The following MGAT4A variants were observed in gnomAD, a reference collection of about 807,000 sequenced individuals.
MGAT4A encodes the protein N-acetylglucosaminyltransferase IVa.
In MGAT4A, 33 loss-of-function variants were observed where a neutral mutation model predicts 74.1. The observed-to-expected ratio is 0.45, with a 90% confidence interval of 0.34 to 0.60. The LOEUF is 0.60. Ranked by LOEUF, MGAT4A falls within the 20% of genes least tolerant of loss-of-function variation. The probability of loss-of-function intolerance (pLI) is 0.02; values close to 1 mark genes in which losing one functional copy is unlikely to be tolerated. For synonymous variants in MGAT4A, 198 were observed against 210.4 expected, an observed-to-expected ratio of 0.94 and a Z score of 0.51; for missense variants, 479 against 628.3, an observed-to-expected ratio of 0.76 and a Z score of 2.54.
chr2:98,723,872 C>T (rs1028401925), intron 2 of MGAT4A, among the ~76,000 whole-genome samples: 21 of 152,322 alleles, frequency 1.4e-4, no homozygotes, highest in African/African-American at 5.1e-4. Context: ...TTGAATGAGG[C>T]TGCCTGAATT....
At chr2:98,716,720 A>G (rs745805887) in intron 2 of MGAT4A, among the ~76,000 whole-genome samples, 6 of 152,258 alleles carry the variant, frequency 3.9e-5, no homozygotes, top group Non-Finnish European at 5.9e-5. Flanking sequence ...GATAGGTTCC[A>G]GTATCTTTGA....
At chr2:98,671,913 G>A (rs1420457021) in intron 4 of MGAT4A, among the ~76,000 whole-genome samples, 1 of 122,598 alleles carries the variant, frequency 8.2e-6, no homozygotes, top group African/African-American at 3.2e-5. Flanking sequence ...TGACGATGAA[G>A]GAAGAGGCCA....
chr2:98,623,469 T>C lies in MGAT4A; in HGVS notation c.*2097A>G, dbSNP rs1364206688. The C allele has an allele frequency of 1.0e-6, 1 of 985,442 alleles. No homozygotes were observed. Among genetic ancestry groups the C allele is most frequent in the Non-Finnish European group, 1.2e-6 (1 of 829,940 alleles). 61.0% of individuals were successfully genotyped at this position (985,442 alleles called of 1,614,324 possible). A position where few individuals can be genotyped will look rare whatever the true frequency, so the allele number is the denominator to read the frequency against. ...TTTTTACTTCTGGTACTCAGTTATC[T>C]TTGCAGTAATTTAGTATACCAAGCT... On this transcript the variant is annotated 3_prime_UTR_variant, in exon 16 of 16. Coordinates refer to ENST00000393487, the MANE Select transcript of MGAT4A (RefSeq NM_012214.3).
chr2:98,708,767 G>GT lies in MGAT4A; in HGVS notation c.94+17471dup, dbSNP rs1464588673. Among the ~76,000 whole-genome samples, 15 of 152,322 alleles carry GT rather than the reference G, an allele frequency of 9.8e-5. No homozygotes were observed. In the South Asian group the frequency reaches 2.9e-3, roughly 29 times the overall value. On this transcript the variant is annotated intron_variant, in intron 2 of 15. Transcript: ENST00000393487. ...GTTGTTTAACCATCAGGTTAAACTA[G>GT]TTTTTTGCCAGCTTTCTTAAATTGA...
Position 98,620,563 on chromosome 2 carries a change from AG to A in MGAT4A, c.*5002del, listed in dbSNP as rs1451921939. ...AGCTATTAATGGCTTGGAAGCAGAG[AG>A]GTATTTGCAAAACATTCTCAAACTA... On this transcript the variant is annotated 3_prime_UTR_variant, in exon 16 of 16. Coordinates refer to ENST00000393487, the MANE Select transcript of MGAT4A (RefSeq NM_012214.3). 6.6e-6 allele frequency: 1 copy of A among 152,204 alleles called. No homozygotes were observed. The highest frequency in any genetic ancestry group is 1.5e-5 in the Non-Finnish European group (1 of 68,040). 9.4% of individuals were successfully genotyped at this position (152,204 alleles called of 1,614,324 possible).
intron 2 of MGAT4A, among the ~76,000 whole-genome samples, chr2:98,684,976 C>T (rs944718391): frequency 1.3e-4 from 20 of 152,132 alleles, no homozygotes; most frequent in African/African-American, 4.8e-4. Flanking sequence ...GTGGCTCACA[C>T]CTGAAATCCC....
intron 2 of MGAT4A, 119 bp downstream of exon 2, chr2:98,726,120 G>T: frequency 3.2e-6 from 2 of 616,256 alleles, no homozygotes; most frequent in Non-Finnish European, 5.7e-6. Flanking sequence ...GAAAGAAACT[G>T]CCAGCAGATA....
At chr2:98,716,589 C>T (rs1268431043) in intron 2 of MGAT4A, among the ~76,000 whole-genome samples, 1 of 152,240 alleles carries the variant, frequency 6.6e-6, no homozygotes, top group African/African-American at 2.4e-5. Flanking sequence ...TGCACCACTG[C>T]ACTCCAGCCT....
At chr2:98,703,073 T>C (rs980276937) in intron 2 of MGAT4A, among the ~76,000 whole-genome samples, 2 of 152,224 alleles carry the variant, frequency 1.3e-5, no homozygotes, top group African/African-American at 4.8e-5. Context: ...TATTCCCAGA[T>C]GCTGGGTTTA....
intron 2 of MGAT4A, among the ~76,000 whole-genome samples, chr2:98,724,437 T>C (rs185025229): frequency 2.0e-5 from 3 of 152,310 alleles, no homozygotes; most frequent in Admixed American, 1.3e-4. Context: ...GAAGATTTTA[T>C]GTAACCATAA....
chr2:98,660,605 T>C (rs984240148), intron 5 of MGAT4A, among the ~76,000 whole-genome samples: 1 of 152,266 alleles, frequency 6.6e-6, no homozygotes, highest in Middle Eastern at 3.4e-3. Context: ...TGGAACAGAA[T>C]ATAGAGCCTA....
At position 98,621,981 on chromosome 2, in the gene MGAT4A, T is replaced by A; in HGVS notation, c.*3585A>T. The stretch of plus-strand genomic sequence containing the variant: ...ACAGCCTATGTGCTAAATAATCCTT[T>A]GTGTTAACTTTTTCCAAAGCTTTTC... On this transcript the variant is annotated 3_prime_UTR_variant, in exon 16 of 16. Transcript: ENST00000393487. The A allele has an allele frequency of 2.0e-6, 2 of 987,882 alleles. No individual in the cohort carries two copies. 61.2% of individuals were successfully genotyped at this position (987,882 alleles called of 1,614,324 possible).
intron 2 of MGAT4A, among the ~76,000 whole-genome samples, chr2:98,722,474 C>T (rs1702688240): frequency 6.6e-6 from 1 of 152,098 alleles, no homozygotes; most frequent in Admixed American, 6.6e-5. Flanking sequence ...TCTGAAAATC[C>T]AGAATAGGGA....
chr2:98,650,909 C>CAG (rs1701567541), intron 8 of MGAT4A, among the ~76,000 whole-genome samples: 2 of 152,034 alleles, frequency 1.3e-5, no homozygotes, highest in African/African-American at 4.8e-5. Flanking sequence ...GATCGCGCCA[C>CAG]TGCACTTCAG....
At chr2:98,660,628 T>C (rs1477422228) in intron 5 of MGAT4A, among the ~76,000 whole-genome samples, 2 of 152,152 alleles carry the variant, frequency 1.3e-5, no homozygotes, top group Non-Finnish European at 2.9e-5. Flanking sequence ...AATGAACTCA[T>C]GTATGTATGG....
chr2:98,693,361 C>T (rs1374154630), intron 2 of MGAT4A, among the ~76,000 whole-genome samples: 3 of 151,888 alleles, frequency 2.0e-5, no homozygotes, highest in Non-Finnish European at 4.4e-5. Flanking sequence ...CTTGCAACAT[C>T]AAAAGGGAAA....
rs1367781481 is a variant in MGAT4A, at chr2:98,624,627, T to C, written c.*939A>G. 1.5e-5 allele frequency: 15 copies of C among 984,656 alleles called. No individual in the cohort carries two copies. Among genetic ancestry groups the C allele is most frequent in the Non-Finnish European group, 1.8e-5 (15 of 829,386 alleles). 61.0% of individuals were successfully genotyped at this position (984,656 alleles called of 1,614,324 possible). ...TAAAATGAGTGCAGATATAAAAGAA[T>C]CAACAGCAGATAATGCACCTAATTC... On this transcript the variant is annotated 3_prime_UTR_variant, in exon 16 of 16. Coordinates refer to ENST00000393487, the MANE Select transcript of MGAT4A (RefSeq NM_012214.3).
At chr2:98,706,304 A>T (rs1702430758) in intron 2 of MGAT4A, among the ~76,000 whole-genome samples, 1 of 152,174 alleles carries the variant, frequency 6.6e-6, no homozygotes, top group Non-Finnish European at 1.5e-5. Flanking sequence ...GAGTGACATC[A>T]GCAAAAATGG....
At position 98,623,474 on chromosome 2, in the gene MGAT4A, A is replaced by G; in HGVS notation, c.*2092T>C. 9.1e-6 allele frequency: 9 copies of G among 985,450 alleles called. No individual in the cohort carries two copies. Among genetic ancestry groups the G allele is most frequent in the Non-Finnish European group, 1.1e-5 (9 of 829,924 alleles). 61.0% of individuals were successfully genotyped at this position (985,450 alleles called of 1,614,324 possible). ...ACTTCTGGTACTCAGTTATCTTTGC[A>G]GTAATTTAGTATACCAAGCTGGTGC... is the stretch of plus-strand genomic sequence containing the variant. On this transcript the variant is annotated 3_prime_UTR_variant, in exon 16 of 16. Coordinates refer to ENST00000393487, the MANE Select transcript of MGAT4A (RefSeq NM_012214.3).
Sources: gnomAD v4.1 joint callset for allele counts (sites outside exome capture counted in the v4.1 genomes callset) on GRCh38, gnomAD v4.1.1 for gene constraint, MANE v1.5 for transcripts, NCBI Gene and HGNC (gene_info 2026-07-23, HGNC 2026-07-21) for gene names.